The following SLC12A7 variants were observed in gnomAD, a reference collection of about 807,000 sequenced individuals.
The protein encoded by SLC12A7 is solute carrier family 12 member 7, also known as K-Cl cotransporter 4.
Under a neutral mutation model 120.6 loss-of-function variants are expected in SLC12A7, and 100 were observed. That is an observed-to-expected ratio of 0.83 (90% CI 0.71 to 0.98). The LOEUF (loss-of-function observed/expected upper bound fraction) is 0.98, where lower values mean the gene tolerates loss of function less well. Among genes scored for constraint, SLC12A7 ranks in the 50% least tolerant of loss-of-function variants. The probability of loss-of-function intolerance (pLI) is 0.00; values close to 1 mark genes in which losing one functional copy is unlikely to be tolerated. For missense variants in SLC12A7, 1,373 were observed against 1,548.1 expected, an observed-to-expected ratio of 0.89 and a Z score of 1.90; for synonymous variants, 760 against 678.0, an observed-to-expected ratio of 1.12 and a Z score of -1.88.
At chr5:1,062,021 C>A (rs1306567680) in intron 20 of SLC12A7, among the ~76,000 whole-genome samples, 1 of 152,200 alleles carries the variant, frequency 6.6e-6, no homozygotes, top group Non-Finnish European at 1.5e-5. Context: ...CTTGTCCCTG[C>A]GGCCAGGGCT....
At position 1,056,664 on chromosome 5, in the gene SLC12A7, G is replaced by A. The variant is rs74469697; in HGVS notation, c.3026+807C>T. 7,690 of 852,852 alleles carry A rather than the reference G, an allele frequency of 9.0e-3. 437 individuals are homozygous for A. The African/African-American group carries it at 0.12, about 14-fold the overall frequency. The allele number at this position is 852,852 out of a possible 1,614,324, so 52.8% of individuals were successfully genotyped here. ...AGAGAGCACCAGGCTGTTCCAGATC[G>A]CATGGCTGCCCAGGAGGACGCCGCC... On this transcript the variant is annotated intron_variant, in intron 22 of 23. Coordinates refer to ENST00000264930, the MANE Select transcript of SLC12A7 (RefSeq NM_006598.3).
chr5:1,114,605 C>G (rs753802097), upstream of SLC12A7, among the ~76,000 whole-genome samples: 1 of 152,142 alleles, frequency 6.6e-6, no homozygotes, highest in Non-Finnish European at 1.5e-5. Flanking sequence ...TTTCTGTACC[C>G]GGCACCTGTT....
At chr5:1,058,351 C>T (rs1735844598) in intron 21 of SLC12A7, among the ~76,000 whole-genome samples, 1 of 152,266 alleles carries the variant, frequency 6.6e-6, no homozygotes, top group African/African-American at 2.4e-5. Context: ...ACCCTTCACG[C>T]CCTCCATGCT....
chr5:1,060,122 G>A lies in SLC12A7; in HGVS notation c.2847+222C>T, dbSNP rs565569655. On this transcript the variant is annotated intron_variant, in intron 21 of 23. Transcript: ENST00000264930. ...CTGCCGTTCCTCTAACCAGGCACCC[G>A]CACGCCCAGGCTCCGATGAGCTCTG... Among the ~76,000 whole-genome samples, 30 of 152,312 alleles carry A rather than the reference G, an allele frequency of 2.0e-4. 1 individual carries two copies. The South Asian group carries it at 5.2e-3, about 26-fold the overall frequency.
intron 3 of SLC12A7, 28 bp downstream of exon 3, chr5:1,093,505 T>TGGGCGGGGACC (rs1740757507): frequency 6.5e-7 from 1 of 1,534,010 alleles, no homozygotes; most frequent in South Asian, 1.2e-5. Flanking sequence ...GGGCGGGGAC[T>TGGGCGGGGACC]GGGCGGGCAC....
At chr5:1,113,339 T>G (rs965732653), upstream of SLC12A7, among the ~76,000 whole-genome samples, 11 of 152,178 alleles carry the variant, frequency 7.2e-5, no homozygotes, top group African/African-American at 2.7e-4. Flanking sequence ...AGGGGAGTGA[T>G]GGCCTCCGGG....
chr5:1,109,344 C>T (rs185802873), intron 1 of SLC12A7, among the ~76,000 whole-genome samples: 1 of 152,152 alleles, frequency 6.6e-6, no homozygotes, highest in Non-Finnish European at 1.5e-5. Context: ...ACCCTGAAGT[C>T]GGACGAGACG....
upstream of SLC12A7, among the ~76,000 whole-genome samples, chr5:1,114,638 G>A (rs1057515127): frequency 2.0e-5 from 3 of 152,144 alleles, no homozygotes; most frequent in Admixed American, 6.5e-5. Context: ...CCTCGGACAC[G>A]TGGAGGTACC....
chr5:1,079,603 C>T (rs570619471), intron 9 of SLC12A7, 107 bp from the exon 10 acceptor site: 43 of 876,322 alleles, frequency 4.9e-5, no homozygotes, highest in African/African-American at 4.2e-4. Context: ...AGACCCCGAG[C>T]GTGAGCTGCA....
the SLC12A7 span, among the ~76,000 whole-genome samples, chr5:1,129,662 G>A: frequency 4.0e-3 from 611 of 151,950 alleles, 30 homozygotes; most frequent in East Asian, 0.085. Flanking sequence ...GCCCTCACGC[G>A]GATGAACACG....
Position 1,074,674 on chromosome 5 carries a change from G to A in SLC12A7, c.1968-3C>T, listed in dbSNP as rs1738121295. 35 of 1,612,422 alleles carry A rather than the reference G, an allele frequency of 2.2e-5. No individual in the cohort carries two copies. The highest frequency in any genetic ancestry group is 2.9e-5 in the Non-Finnish European group (34 of 1,179,828). Reference sequence around the variant, plus strand: ...CATCGCCCCACTCCTTCTCGGCCCTGTGGGAAAGGAAGTCGGGGTTTGTCC... The same window carrying A: ...CATCGCCCCACTCCTTCTCGGCCCTATGGGAAAGGAAGTCGGGGTTTGTCC... On this transcript the variant is annotated splice_polypyrimidine_tract_variant and splice_region_variant and intron_variant, in intron 15 of 23. Coordinates refer to ENST00000264930, the MANE Select transcript of SLC12A7 (RefSeq NM_006598.3).
At position 1,088,542 on chromosome 5, in the gene SLC12A7, G is replaced by A. The variant is rs80293971; in HGVS notation, c.490-182C>T. ...GGAGGCTCCCGGGCACCAGGCATGC[G>A]TGTCCTGGTTCCCACCCCTTCCCCT... On this transcript the variant is annotated intron_variant, in intron 4 of 23. Coordinates refer to ENST00000264930, the MANE Select transcript of SLC12A7 (RefSeq NM_006598.3). Among the ~76,000 whole-genome samples, 1,115 of 152,300 alleles carry A rather than the reference G, an allele frequency of 7.3e-3. 8 individuals are homozygous for A. Among genetic ancestry groups the A allele is most frequent in the Non-Finnish European group, 0.013 (867 of 68,012 alleles).
intron 1 of SLC12A7, among the ~76,000 whole-genome samples, chr5:1,101,780 C>T (rs1742044500): frequency 6.8e-6 from 1 of 146,628 alleles, no homozygotes; most frequent in South Asian, 2.3e-4. Context: ...ACTGCCCCGA[C>T]CCCCCTCCAC....
chr5:1,122,055 T>G, the SLC12A7 span, among the ~76,000 whole-genome samples: 26,954 of 152,108 alleles, frequency 0.18, 2,840 homozygotes, highest in Non-Finnish European at 0.23. Flanking sequence ...TCTCCCAGCC[T>G]CTCTGCCTTG....
intron 1 of SLC12A7, among the ~76,000 whole-genome samples, chr5:1,097,840 A>C (rs183269563): frequency 6.9e-4 from 105 of 152,212 alleles, no homozygotes; most frequent in African/African-American, 2.3e-3. Context: ...AAGAGAACGC[A>C]TCTCCCCTCA....
chr5:1,077,543 C>A (rs1236349417), intron 12 of SLC12A7, among the ~76,000 whole-genome samples: 1 of 152,200 alleles, frequency 6.6e-6, no homozygotes. Flanking sequence ...TCTGACCAGA[C>A]AACAGACCAG....
the SLC12A7 span, among the ~76,000 whole-genome samples, chr5:1,145,129 C>A: frequency 6.6e-6 from 1 of 152,260 alleles, no homozygotes; most frequent in African/African-American, 2.4e-5. This position sits in a 1 kb window ranked among gnomAD's most constrained non-coding sequence, Gnocchi z 4.4. Flanking sequence ...AGGGATCACC[C>A]CTTCTTCAAA....
chr5:1,058,741 C>G (rs1163096083), intron 21 of SLC12A7, among the ~76,000 whole-genome samples: 4 of 152,360 alleles, frequency 2.6e-5, no homozygotes, highest in Admixed American at 1.3e-4. Flanking sequence ...GGCGCCCGGC[C>G]CAGCCTAAAT....
chr5:1,140,140 C>T, the SLC12A7 span, among the ~76,000 whole-genome samples: 1 of 152,216 alleles, frequency 6.6e-6, no homozygotes, highest in African/African-American at 2.4e-5. Context: ...CTCAGAAGGC[C>T]CCCCAGAAAC....
Sources: allele counts gnomAD v4.1 joint callset (sites outside exome capture counted in the v4.1 genomes callset), GRCh38; gene constraint gnomAD v4.1.1; non-coding constraint Gnocchi (gnomAD v3.1); transcripts MANE v1.5; gene names NCBI Gene and HGNC (gene_info 2026-07-23, HGNC 2026-07-21).